The following PPFIA2 variants were observed in gnomAD, a reference collection of about 807,000 sequenced individuals.
PPFIA2 encodes the protein liprin-alpha-2.
PPFIA2 carries 46 observed loss-of-function variants against 175.5 expected under a neutral mutation model. The observed-to-expected ratio is 0.26, with a 90% CI of 0.21 to 0.34. The LOEUF is 0.34. PPFIA2 is among the 10% of genes least tolerant of loss of function. PPFIA2 has a pLI of 1.00. For synonymous variants in PPFIA2, 568 were observed against 511.4 expected (o/e 1.11, Z -1.49); for missense variants, 1,179 against 1,506.1 (o/e 0.78, Z 3.60).
At chr12:81,598,393 C>T (rs2059473166) in intron 4 of PPFIA2, 1 of 1,077,948 alleles carries the variant, frequency 9.3e-7, no homozygotes, top group Non-Finnish European at 1.1e-6. Flanking sequence ...CCTCCCTCCA[C>T]CACAGTCTAG....
chr12:81,676,405 C>G (rs1338163893), intron 4 of PPFIA2, among the ~76,000 whole-genome samples: 1 of 151,882 alleles, frequency 6.6e-6, no homozygotes, highest in Non-Finnish European at 1.5e-5. Context: ...AGAACAATGT[C>G]CAGAGTCAAT....
At chr12:81,712,165 C>A (rs1323960407) in intron 3 of PPFIA2, among the ~76,000 whole-genome samples, 1 of 151,122 alleles carries the variant, frequency 6.6e-6, no homozygotes, top group African/African-American at 2.4e-5. Flanking sequence ...GGCATTAATT[C>A]AATAACTACT....
chr12:81,518,883 T>C (rs2062781232), intron 4 of PPFIA2, among the ~76,000 whole-genome samples: 3 of 152,162 alleles, frequency 2.0e-5, no homozygotes, highest in Admixed American at 2.0e-4. Context: ...AACTAGAATA[T>C]TGTCCGTCAG....
intron 28 of PPFIA2, among the ~76,000 whole-genome samples, chr12:81,273,281 A>C (rs1041306158): frequency 2.0e-5 from 3 of 152,124 alleles, no homozygotes; most frequent in Non-Finnish European, 4.4e-5. Flanking sequence ...TTGCTCCTGA[A>C]GGCCCGGCAG....
chr12:81,306,903 G>T (rs1241657900), intron 22 of PPFIA2, among the ~76,000 whole-genome samples: 1 of 151,956 alleles, frequency 6.6e-6, no homozygotes, highest in Non-Finnish European at 1.5e-5. Context: ...TTCCTCAAAT[G>T]TCTAAAAGAT....
intron 4 of PPFIA2, among the ~76,000 whole-genome samples, chr12:81,522,184 T>C (rs1567176638): frequency 6.6e-6 from 1 of 152,322 alleles, no homozygotes; most frequent in East Asian, 1.9e-4. Context: ...GCTATTGAAT[T>C]GCTTCAAAAT....
At chr12:81,602,667 T>C (rs2059913003) in intron 4 of PPFIA2, among the ~76,000 whole-genome samples, 1 of 151,858 alleles carries the variant, frequency 6.6e-6, no homozygotes, top group African/African-American at 2.4e-5. Context: ...CCTAAATCTA[T>C]AATTTGAGTG....
intron 3 of PPFIA2, among the ~76,000 whole-genome samples, chr12:81,708,899 C>A (rs2153612290): frequency 6.6e-6 from 1 of 152,166 alleles, no homozygotes; most frequent in Non-Finnish European, 1.5e-5. Flanking sequence ...TTCAGGCAGG[C>A]AATGCTAAAG....
chr12:81,755,899 C>T (rs2084576389), intron 2 of PPFIA2, among the ~76,000 whole-genome samples: 1 of 152,106 alleles, frequency 6.6e-6, no homozygotes, highest in Admixed American at 6.6e-5. Flanking sequence ...TACTGTTACA[C>T]ACTTAATGGA....
chr12:81,361,406 G>A (rs1371807580), intron 15 of PPFIA2, among the ~76,000 whole-genome samples: 1 of 151,514 alleles, frequency 6.6e-6, no homozygotes, highest in Admixed American at 6.6e-5. Context: ...CAGTTCACAT[G>A]TAAAAATCAG....
At chr12:81,678,240 A>G (rs1438124844) in intron 3 of PPFIA2, among the ~76,000 whole-genome samples, 1 of 151,864 alleles carries the variant, frequency 6.6e-6, no homozygotes, top group Non-Finnish European at 1.5e-5. Flanking sequence ...GAAGTAATGG[A>G]AATTTAAATG....
rs71098156 is a variant in PPFIA2 at position 81,637,236 on chromosome 12, A to ATTTT, written c.303+39551_303+39554dup. On this transcript the variant is annotated intron_variant, in intron 4 of 32. Coordinates refer to ENST00000549396, the MANE Select transcript of PPFIA2 (RefSeq NM_003625.5). Reference sequence around the variant, plus strand: ...AGGCATGCGCTACCACGCCAGGCTAATTTTTTTTTTTTTTTTTTTTTTTTT... The same window carrying ATTTT: ...AGGCATGCGCTACCACGCCAGGCTAATTTTTTTTTTTTTTTTTTTTTTTTTTTTT... Among the ~76,000 whole-genome samples the ATTTT allele has an allele frequency of 1.4e-4, 9 of 65,908 alleles. 1 individual carries two copies. Among genetic ancestry groups the ATTTT allele is most frequent in the East Asian group, 1.1e-3 (2 of 1,838 alleles). The allele number at this position is 65,908 out of a possible 152,430, so 43.2% of individuals were successfully genotyped here.
intron 3 of PPFIA2, among the ~76,000 whole-genome samples, chr12:81,738,786 A>G (rs1337032123): frequency 6.6e-6 from 1 of 151,950 alleles, no homozygotes; most frequent in African/African-American, 2.4e-5. Flanking sequence ...ATTTAAAGAG[A>G]AAGATTATCA....
chr12:81,719,081 G>A (rs1415604781), intron 3 of PPFIA2, among the ~76,000 whole-genome samples: 1 of 151,584 alleles, frequency 6.6e-6, no homozygotes, highest in Admixed American at 6.6e-5. Context: ...TCATTAAGTA[G>A]TTATAAAGCA....
chr12:81,412,398 A>C (rs2044149813), intron 7 of PPFIA2, among the ~76,000 whole-genome samples: 1 of 150,174 alleles, frequency 6.7e-6, no homozygotes, highest in Admixed American at 6.7e-5. Flanking sequence ...TTATTTATTT[A>C]GCTCTTATAA....
chr12:81,580,828 A>C (rs2074292472), intron 4 of PPFIA2, among the ~76,000 whole-genome samples: 4 of 151,844 alleles, frequency 2.6e-5, no homozygotes, highest in Admixed American at 2.0e-4. Context: ...ATATATTTAG[A>C]CATTTATTGA....
At chr12:81,759,042 C>CA (rs1346216057) in intron 1 of PPFIA2, among the ~76,000 whole-genome samples, 9 of 152,098 alleles carry the variant, frequency 5.9e-5, no homozygotes, top group Admixed American at 1.3e-4. Context: ...CCTAGGGATG[C>CA]AAAAAGCAGG....
intron 3 of PPFIA2, among the ~76,000 whole-genome samples, chr12:81,686,549 A>G (rs1216884505): frequency 1.3e-5 from 2 of 152,018 alleles, no homozygotes; most frequent in African/African-American, 2.4e-5. Context: ...TTCCTGACTC[A>G]GTCTCAATCA....
chr12:81,473,358 G>C (rs529405798), intron 4 of PPFIA2, among the ~76,000 whole-genome samples: 34 of 152,266 alleles, frequency 2.2e-4, no homozygotes, highest in Admixed American at 6.5e-4. Flanking sequence ...GCAGTGAGCC[G>C]AGATTGAGCC....
Sources: gnomAD v4.1 joint callset for allele counts (sites outside exome capture counted in the v4.1 genomes callset) on GRCh38, gnomAD v4.1.1 for gene constraint, MANE v1.5 for transcripts, NCBI Gene and HGNC (gene_info 2026-07-23, HGNC 2026-07-21) for gene names.